The following EPM2A variants were observed in gnomAD, a reference collection of about 807,000 sequenced individuals.
EPM2A encodes EPM2A glucan phosphatase, laforin.
EPM2A carries 21 observed loss-of-function variants against 26.5 expected under a neutral mutation model. The observed-to-expected ratio is 0.79, with a 90% CI of 0.56 to 1.14. The LOEUF is 1.14. Among genes scored for constraint, EPM2A ranks in the 50% most tolerant of loss-of-function variants. The pLI, the probability that EPM2A is intolerant of heterozygous loss-of-function variation, is 0.00. For missense variants in EPM2A, 458 were observed against 440.8 expected, an observed-to-expected ratio of 1.04 and a Z score of -0.35; for synonymous variants, 217 against 177.6, an observed-to-expected ratio of 1.22 and a Z score of -1.76.
At chr6:145,474,365 G>T (rs1349067258) in intron 4 of EPM2A, among the ~76,000 whole-genome samples, 1 of 152,100 alleles carries the variant, frequency 6.6e-6, no homozygotes, top group South Asian at 2.1e-4. Flanking sequence ...AGGAGGCTGA[G>T]GCAGGAGAAT....
intron 4 of EPM2A, among the ~76,000 whole-genome samples, chr6:145,423,084 C>G (rs1216158382): frequency 6.6e-6 from 1 of 152,006 alleles, no homozygotes; most frequent in African/African-American, 2.4e-5. Context: ...TTTTCTCATA[C>G]TCTCTGCCTG....
In EPM2A at chr6:145,513,042, A is replaced by G. The variant is rs569776943; in HGVS notation, c.341-10467T>C. ...GAAGACCCCAAAAGCAGACACAACAAAACAAAAATAGACAAATGAGATTTA... is the reference window on the plus strand; with the variant it reads ...GAAGACCCCAAAAGCAGACACAACAGAACAAAAATAGACAAATGAGATTTA... On this transcript the variant is annotated intron_variant, in intron 2 of 3. Coordinates refer to the EPM2A transcript ENST00000450221. Among the ~76,000 whole-genome samples, 3 of 152,302 alleles carry G rather than the reference A, an allele frequency of 2.0e-5. No homozygotes were observed. The South Asian group carries it at 6.2e-4, about 32-fold the overall frequency.
intron 2 of EPM2A, among the ~76,000 whole-genome samples, chr6:145,596,877 CTTTTTTTT>C (rs869211299): frequency 1.4e-5 from 1 of 73,498 alleles, no homozygotes; most frequent in Non-Finnish European, 2.4e-5. Context: ...TCTCCGAGAT[CTTTTTTTT>C]TTTTTTTTTT....
intron 2 of EPM2A, among the ~76,000 whole-genome samples, chr6:145,513,929 A>G (rs1277352024): frequency 6.6e-6 from 1 of 152,176 alleles, no homozygotes; most frequent in Non-Finnish European, 1.5e-5. Flanking sequence ...TACTTGTCCA[A>G]TGCAAATAGG....
At chr6:145,712,937 C>T (rs1333090064) in intron 1 of EPM2A, among the ~76,000 whole-genome samples, 3 of 152,302 alleles carry the variant, frequency 2.0e-5, no homozygotes, top group South Asian at 2.1e-4. Flanking sequence ...AACAAGACTG[C>T]ATTGACATGG....
intron 2 of EPM2A, among the ~76,000 whole-genome samples, chr6:145,678,679 A>T (rs7749377): frequency 2.6e-5 from 4 of 152,094 alleles, no homozygotes; most frequent in African/African-American, 7.3e-5. Flanking sequence ...TCAGAGAAAT[A>T]CAAATCAAAA....
rs74300983 is a variant in EPM2A, at chr6:145,528,808, T to A, written c.341-26233A>T. ...GAGCTATAGTTGCCTTAAATGGTGA[T>A]TCCTCTGATGGGTCTGGGGAAAGTA... On this transcript the variant is annotated intron_variant, in intron 2 of 3. Coordinates refer to the EPM2A transcript ENST00000450221. 5.9e-3 allele frequency among the ~76,000 whole-genome samples: 901 copies of A among 152,256 alleles called. 25 individuals carry two copies. In the East Asian group the frequency reaches 0.1, roughly 17 times the overall value.
rs1776587072 is a variant in EPM2A, at chr6:145,635,445, A to C, written c.518T>G (p.Val173Gly). The C allele has an allele frequency of 1.9e-6, 3 of 1,614,050 alleles. No homozygotes were observed. In the South Asian group the frequency reaches 3.3e-5, roughly 18 times the overall value. Residue 173 changes from valine to glycine, a missense_variant, in exon 3 of 4, where the codon GTG becomes GGG. Coordinates refer to ENST00000367519, the MANE Select transcript of EPM2A (RefSeq NM_005670.4). ...NIWLGSCPRQVEHVTIKLKHE... is the reference protein window; with the variant it reads ...NIWLGSCPRQGEHVTIKLKHE... ...CTTCAGTTTGATGGTTACATGTTCC[A>C]CCTGACGAGGGCAGCTACCCAGCCA...
chr6:145,637,312 T>C (rs997890299), intron 2 of EPM2A: 5 of 152,208 alleles, frequency 3.3e-5, no homozygotes, highest in African/African-American at 1.2e-4. Context: ...TTTGCTTTTT[T>C]CCTTTTGGTG....
At chr6:145,664,786 A>G (rs1362653208) in intron 2 of EPM2A, among the ~76,000 whole-genome samples, 1 of 151,734 alleles carries the variant, frequency 6.6e-6, no homozygotes, top group Non-Finnish European at 1.5e-5. Context: ...CAGCAAATGT[A>G]AAAGAACAGA....
intron 4 of EPM2A, among the ~76,000 whole-genome samples, chr6:145,459,946 G>A (rs1779308477): frequency 6.6e-6 from 1 of 152,114 alleles, no homozygotes; most frequent in South Asian, 2.1e-4. Flanking sequence ...TTAGGAAACA[G>A]AGGTCCAGAC....
chr6:145,542,176 A>G (rs1446347051), intron 2 of EPM2A, among the ~76,000 whole-genome samples: 1 of 152,236 alleles, frequency 6.6e-6, no homozygotes, highest in East Asian at 1.9e-4. Flanking sequence ...CACCATGAAA[A>G]GCACTGTTAA....
rs78071191 is a variant in EPM2A at position 145,451,318 on chromosome 6, A to C, written c.555+51204T>G. On this transcript the variant is annotated intron_variant, in intron 4 of 4. Transcript: ENST00000638717. ...TCAAATGACCAAAGCATGATGTTAC[A>C]AAATCATGCATTTGTTACCAAAAAA... 2.0e-5 allele frequency among the ~76,000 whole-genome samples: 3 copies of C among 147,594 alleles called. No individual in the cohort carries two copies. In the East Asian group the frequency reaches 6.1e-4, roughly 30 times the overall value.
At chr6:145,438,499 A>C (rs1582755405) in intron 4 of EPM2A, among the ~76,000 whole-genome samples, 1 of 108,374 alleles carries the variant, frequency 9.2e-6, no homozygotes, top group Non-Finnish European at 1.8e-5. Context: ...TTTTAGATGG[A>C]GTCTTGCTCT....
At chr6:145,491,213 T>C (rs566636509) in intron 4 of EPM2A, 2 of 422,088 alleles carry the variant, frequency 4.7e-6, no homozygotes, top group South Asian at 3.9e-5. Context: ...GACCCCTTCA[T>C]GGGTAGGAAC....
intron 2 of EPM2A, among the ~76,000 whole-genome samples, chr6:145,664,729 C>T (rs149717262): frequency 0.082 from 12,530 of 152,140 alleles, 552 homozygotes; most frequent in Middle Eastern, 0.12. Context: ...AGCACCACAC[C>T]ATACCTATTC....
At chr6:145,730,549 G>A (rs1562529733) in intron 1 of EPM2A, among the ~76,000 whole-genome samples, 1 of 152,192 alleles carries the variant, frequency 6.6e-6, no homozygotes, top group Non-Finnish European at 1.5e-5. Flanking sequence ...ATTATCTTGA[G>A]AAAATAAAGC....
chr6:145,606,679 T>C (rs1039082236), intron 2 of EPM2A, among the ~76,000 whole-genome samples: 28 of 152,156 alleles, frequency 1.8e-4, no homozygotes, highest in Non-Finnish European at 4.0e-4. Context: ...CTGTACTCTG[T>C]AAGGGAAAAT....
At chr6:145,630,418 G>C (rs1562417355) in intron 3 of EPM2A, 2 of 152,082 alleles carry the variant, frequency 1.3e-5, no homozygotes, top group Non-Finnish European at 2.9e-5. Context: ...TTCGAGACCA[G>C]TCTGGCCAAC....
Sources: allele counts gnomAD v4.1 joint callset (sites outside exome capture counted in the v4.1 genomes callset), GRCh38; gene constraint gnomAD v4.1.1; transcripts MANE v1.5; gene names NCBI Gene and HGNC (gene_info 2026-07-23, HGNC 2026-07-21).